Variants in PLCZ1 observed in about 807,000 individuals in gnomAD.
PLCZ1 encodes the protein 1-phosphatidylinositol 4,5-bisphosphate phosphodiesterase zeta-1.
In PLCZ1, 64 loss-of-function variants were observed where a neutral mutation model predicts 76.8. That is an observed-to-expected ratio of 0.83 (90% CI 0.68 to 1.03). The LOEUF (loss-of-function observed/expected upper bound fraction) is 1.03. Among genes scored for constraint, PLCZ1 ranks in the 50% least tolerant of loss-of-function variants. PLCZ1 has a pLI of 0.00. For missense variants in PLCZ1, 751 were observed against 713.7 expected (o/e 1.05, Z -0.60); for synonymous variants, 248 against 230.8 (o/e 1.07, Z -0.68).
chr12:18,715,665 T>A (rs1957903689), intron 5 of PLCZ1: 1 of 152,198 alleles, frequency 6.6e-6, no homozygotes, highest in African/African-American at 2.4e-5. Flanking sequence ...TTGTTTTTGT[T>A]TTTTTGTTGT....
chr12:18,681,955 G>T (rs75263562), downstream of PLCZ1, among the ~76,000 whole-genome samples: 2 of 151,924 alleles, frequency 1.3e-5, no homozygotes. Flanking sequence ...AGGGTAAAGC[G>T]TTGGGTCAAT....
intron 12 of PLCZ1, chr12:18,693,446 C>A: frequency 6.2e-7 from 1 of 1,605,428 alleles, no homozygotes; most frequent in East Asian, 2.2e-5. Context: ...GGGGGTCATT[C>A]TCTGTGGTCC....
In PLCZ1 at chr12:18,701,739, A is replaced by G. The variant is rs772413107; in HGVS notation, c.902T>C (p.Ile301Thr). The G allele has an allele frequency of 5.0e-6, 8 of 1,610,304 alleles. No individual in the cohort carries two copies. Among genetic ancestry groups the G allele is most frequent in the Non-Finnish European group, 6.8e-6 (8 of 1,178,546 alleles). Residue 301 changes from isoleucine (I) to threonine (T), a missense_variant, in exon 8 of 15, where the codon ATA (isoleucine) becomes ACA (threonine). Physicochemically the swap from Ile to Thr is moderately conservative, Grantham distance 89. Transcript: ENST00000266505. ...KFKILVKNKK[I>T]GTLKETHERK... ...TTCATGGGTTTCCTTTAAGGTTCCTATTTTCTTATTTTTAACTAATATTTT... is the reference window on the plus strand; with the variant it reads ...TTCATGGGTTTCCTTTAAGGTTCCTGTTTTCTTATTTTTAACTAATATTTT...
At chr12:18,689,393 C>A (rs143933366) in intron 12 of PLCZ1, among the ~76,000 whole-genome samples, 2 of 152,142 alleles carry the variant, frequency 1.3e-5, no homozygotes, top group South Asian at 4.1e-4. Context: ...GCTTTGAATG[C>A]GGCCCAACGC....
chr12:18,706,355 A>C (rs2137330495), intron 6 of PLCZ1, among the ~76,000 whole-genome samples: 1 of 152,342 alleles, frequency 6.6e-6, no homozygotes, highest in South Asian at 2.1e-4. Flanking sequence ...TTTTATTGTT[A>C]ATATACAAAT....
downstream of PLCZ1, among the ~76,000 whole-genome samples, chr12:18,680,945 T>G (rs944158691): frequency 1.3e-5 from 2 of 152,084 alleles, no homozygotes; most frequent in African/African-American, 4.8e-5. Flanking sequence ...CGATACTTGG[T>G]AATAAATTAA....
At chr12:18,699,443 C>T (rs1352776506) in intron 10 of PLCZ1, among the ~76,000 whole-genome samples, 3 of 152,158 alleles carry the variant, frequency 2.0e-5, no homozygotes, top group South Asian at 2.1e-4. Context: ...TGCGCACCTT[C>T]GCTTCCAGGA....
At chr12:18,667,380 G>A in the PLCZ1 span, among the ~76,000 whole-genome samples, 1 of 152,082 alleles carries the variant, frequency 6.6e-6, no homozygotes, top group African/African-American at 2.4e-5. Flanking sequence ...GGCACCTGGT[G>A]GGGCTAAAAT....
chr12:18,710,680 T>C (rs1957192314), intron 6 of PLCZ1, among the ~76,000 whole-genome samples: 1 of 152,036 alleles, frequency 6.6e-6, no homozygotes, highest in Non-Finnish European at 1.5e-5. Flanking sequence ...ACTACGACAG[T>C]GACAGTAAAA....
chr12:18,702,065 G>A (rs1167747249), intron 7 of PLCZ1, among the ~76,000 whole-genome samples: 4 of 151,926 alleles, frequency 2.6e-5, no homozygotes, highest in Non-Finnish European at 5.9e-5. Flanking sequence ...TTTGAAATAT[G>A]TGAAAAGTAT....
In PLCZ1 at chr12:18,713,336, T is replaced by C. The variant is rs34626403; in HGVS notation, c.570-350A>G. ...CTCCCAACCCATATAATTTTACTTA[T>C]GGTGGCATTTACTGTTCAATGCCAT... On this transcript the variant is annotated intron_variant, in intron 5 of 14. Coordinates refer to ENST00000266505, the MANE Select transcript of PLCZ1 (RefSeq NM_033123.4). Among the ~76,000 whole-genome samples the C allele has an allele frequency of 7.6e-3, 1,160 of 152,296 alleles. 8 individuals carry two copies. The highest frequency in any genetic ancestry group is 0.013 in the Non-Finnish European group (882 of 68,008).
intron 5 of PLCZ1, among the ~76,000 whole-genome samples, chr12:18,718,542 C>T (rs1382134279): frequency 6.6e-6 from 1 of 152,120 alleles, no homozygotes; most frequent in Non-Finnish European, 1.5e-5. Flanking sequence ...CCATTTTTCT[C>T]TCATTTAAAC....
intron 10 of PLCZ1, among the ~76,000 whole-genome samples, chr12:18,697,556 G>A (rs1203017490): frequency 6.6e-6 from 1 of 152,032 alleles, no homozygotes; most frequent in African/African-American, 2.4e-5. Flanking sequence ...AAATAAACAT[G>A]TTTGTTATTA....
intron 14 of PLCZ1, chr12:18,683,592 C>T: frequency 6.9e-7 from 1 of 1,446,526 alleles, no homozygotes. Context: ...CACCACCCTT[C>T]TGCTTCAGGA....
chr12:18,692,924 G>A (rs189606299), intron 12 of PLCZ1: 5 of 1,579,084 alleles, frequency 3.2e-6, no homozygotes. Context: ...CCAGCAAACT[G>A]CCACTGGTGA....
At chr12:18,718,358 C>T (rs570078777) in intron 5 of PLCZ1, among the ~76,000 whole-genome samples, 2 of 152,212 alleles carry the variant, frequency 1.3e-5, no homozygotes, top group East Asian at 3.9e-4. Context: ...CATTCCTCCA[C>T]ATTATTGAAT....
chr12:18,706,592 A>T (rs1415498134), intron 6 of PLCZ1, among the ~76,000 whole-genome samples: 1 of 152,194 alleles, frequency 6.6e-6, no homozygotes, highest in East Asian at 1.9e-4. Context: ...TGTAACTTCA[A>T]AACTTGCCAT....
At chr12:18,659,662 T>TC in the PLCZ1 span, among the ~76,000 whole-genome samples, 1 of 123,416 alleles carries the variant, frequency 8.1e-6, no homozygotes, top group Non-Finnish European at 1.8e-5. Flanking sequence ...AGTTCTCCAT[T>TC]CTTTTTTTTT....
Position 18,712,834 on chromosome 12 carries a change from G to A in PLCZ1, c.714+8C>T, listed in dbSNP as rs1351343575. 12 of 1,613,332 alleles carry A rather than the reference G, an allele frequency of 7.4e-6. No individual in the cohort carries two copies. The highest frequency in any genetic ancestry group is 1.0e-5 in the Non-Finnish European group (12 of 1,179,352). ...AATAGCTACAGTTGAACAAAGATAT[G>A]TACATACCATGAATGCATACTTGTG... is the stretch of plus-strand genomic sequence containing the variant. On this transcript the variant is annotated splice_region_variant and intron_variant, in intron 6 of 14. Transcript: ENST00000266505.
Sources: gnomAD v4.1 joint callset for allele counts (sites outside exome capture counted in the v4.1 genomes callset) on GRCh38, gnomAD v4.1.1 for gene constraint, MANE v1.5 for transcripts, NCBI Gene and HGNC (gene_info 2026-07-23, HGNC 2026-07-21) for gene names.